Variants in FIGN observed in about 807,000 individuals in gnomAD.
The protein encoded by FIGN is fidgetin.
A neutral mutation model predicts 51.3 loss-of-function variants in FIGN; 11 were observed. That is an observed-to-expected ratio of 0.21 (90% confidence interval 0.13 to 0.35). The LOEUF (loss-of-function observed/expected upper bound fraction) is 0.35. Among genes scored for constraint, FIGN ranks in the 10% least tolerant of loss-of-function variants. The pLI, the probability that FIGN is intolerant of heterozygous loss-of-function variation, is 1.00. For missense variants in FIGN, 857 were observed against 943.6 expected (o/e 0.91, Z 1.20); for synonymous variants, 407 against 363.2 (o/e 1.12, Z -1.37).
chr2:163,617,785 T>C lies in FIGN; in HGVS notation c.26-5979A>G, dbSNP rs1172255514. Among the ~76,000 whole-genome samples, 8 of 152,310 alleles carry C rather than the reference T, an allele frequency of 5.3e-5. No homozygotes were observed. In the East Asian group the frequency reaches 1.3e-3, roughly 26 times the overall value. Reference sequence around the variant, plus strand: ...GCACATCATACTCACTCAGCTGTGATATGTGGACAATAATGGTATTATTTC... The same window carrying C: ...GCACATCATACTCACTCAGCTGTGACATGTGGACAATAATGGTATTATTTC... On this transcript the variant is annotated intron_variant, in intron 2 of 2. Coordinates refer to ENST00000333129, the MANE Select transcript of FIGN (RefSeq NM_018086.4).
At chr2:163,637,284 T>G (rs1683241086) in intron 2 of FIGN, among the ~76,000 whole-genome samples, 1 of 152,198 alleles carries the variant, frequency 6.6e-6, no homozygotes, top group South Asian at 2.1e-4. Flanking sequence ...AAAGAGACCA[T>G]GCATTCTAAA....
chr2:163,660,457 C>T (rs1473281277), intron 2 of FIGN, among the ~76,000 whole-genome samples: 1 of 151,832 alleles, frequency 6.6e-6, no homozygotes, highest in Non-Finnish European at 1.5e-5. Context: ...TATGGAAGTG[C>T]TGACAACATA....
chr2:163,700,270 T>C (rs1278676067), intron 2 of FIGN, among the ~76,000 whole-genome samples: 1 of 152,078 alleles, frequency 6.6e-6, no homozygotes, highest in African/African-American at 2.4e-5. Context: ...GGCACTTCCT[T>C]ATGTAACTGA....
At position 163,611,785 on chromosome 2, in the gene FIGN, G is replaced by C. The variant is rs1256558799; in HGVS notation, c.47C>G (p.Pro16Arg). The C allele has an allele frequency of 6.2e-7, 1 of 1,602,608 alleles. No individual in the cohort carries two copies. The highest frequency in any genetic ancestry group is 8.5e-7 in the Non-Finnish European group (1 of 1,170,482). Reference sequence around the variant, plus strand: ...CTGTTCTGGCCACTGGGCATGCTCTGGCGTCCACTGCATCTTCAAGCCTAA... The same window carrying C: ...CTGTTCTGGCCACTGGGCATGCTCTCGCGTCCACTGCATCTTCAAGCCTAA... ...SVYGLKMQWT[P>R]EHAQWPEQHF... Residue 16 changes from proline (P) to arginine (R), a missense_variant, in exon 3 of 3, where the codon CCA becomes CGA. This residue lies in a region of FIGN where 56 missense variants were observed against 75.3 expected (regional missense o/e 0.74). Coordinates refer to ENST00000333129, the MANE Select transcript of FIGN (RefSeq NM_018086.4).
intron 2 of FIGN, among the ~76,000 whole-genome samples, chr2:163,708,516 C>T (rs1441419994): frequency 6.6e-6 from 1 of 152,028 alleles, no homozygotes. Flanking sequence ...AATCTCTAAG[C>T]CAAATGGTAA....
At chr2:163,693,021 T>C (rs2105346239) in intron 2 of FIGN, among the ~76,000 whole-genome samples, 2 of 152,312 alleles carry the variant, frequency 1.3e-5, no homozygotes. Flanking sequence ...AACTTCAGCA[T>C]CTTCCCATGA....
intron 2 of FIGN, among the ~76,000 whole-genome samples, chr2:163,676,502 G>A (rs964893418): frequency 4.7e-5 from 6 of 127,860 alleles, no homozygotes; most frequent in Admixed American, 2.7e-4. Flanking sequence ...CTGTGCACCC[G>A]AATCTGAGAA....
chr2:163,617,710 C>T (rs1682903226), intron 2 of FIGN, among the ~76,000 whole-genome samples: 1 of 152,136 alleles, frequency 6.6e-6, no homozygotes, highest in Non-Finnish European at 1.5e-5. Context: ...CCACTGGCAG[C>T]ATTGCTTACA....
intron 2 of FIGN, among the ~76,000 whole-genome samples, chr2:163,699,790 C>A (rs1684380295): frequency 6.6e-6 from 1 of 152,046 alleles, no homozygotes; most frequent in Non-Finnish European, 1.5e-5. Context: ...TTTGGTAAAT[C>A]AGATAATTTT....
intron 2 of FIGN, among the ~76,000 whole-genome samples, chr2:163,700,461 T>C (rs1684391298): frequency 6.6e-6 from 1 of 152,124 alleles, no homozygotes; most frequent in Non-Finnish European, 1.5e-5. Context: ...TGTCGCAGAA[T>C]GGCGACAGTG....
chr2:163,649,461 G>A (rs1287359470), intron 2 of FIGN, among the ~76,000 whole-genome samples: 1 of 152,168 alleles, frequency 6.6e-6, no homozygotes, highest in Non-Finnish European at 1.5e-5. Context: ...CACATGGAGA[G>A]GTCACATAGA....
In FIGN at chr2:163,604,864, A is replaced by G. The variant is rs1691052439; in HGVS notation, c.*4688T>C. 1 of 142,288 alleles carries G rather than the reference A, an allele frequency of 7.0e-6. No individual in the cohort carries two copies. Among genetic ancestry groups the G allele is most frequent in the African/African-American group, 2.5e-5 (1 of 39,348 alleles). The allele number at this position is 142,288 out of a possible 1,614,324, so 8.8% of individuals were successfully genotyped here. ...GGAGAGGAGAGGGATGGAGAGAAGA[A>G]TGGTTGGGGAATGGGGGTAAAAGAG... is the stretch of plus-strand genomic sequence containing the variant. On this transcript the variant is annotated 3_prime_UTR_variant, in exon 3 of 3. Coordinates refer to ENST00000333129, the MANE Select transcript of FIGN (RefSeq NM_018086.4).
intron 2 of FIGN, among the ~76,000 whole-genome samples, chr2:163,644,409 A>G (rs1487324114): frequency 6.6e-6 from 1 of 152,222 alleles, no homozygotes; most frequent in African/African-American, 2.4e-5. Flanking sequence ...CAGGAGGGCT[A>G]GAATCAAAAA....
At chr2:163,641,976 A>G (rs756060847) in intron 2 of FIGN, among the ~76,000 whole-genome samples, 1 of 152,220 alleles carries the variant, frequency 6.6e-6, no homozygotes, top group African/African-American at 2.4e-5. Flanking sequence ...GATGTATTTC[A>G]CTAATAAAGA....
At chr2:163,647,564 G>A (rs1419035028) in intron 2 of FIGN, among the ~76,000 whole-genome samples, 1 of 152,072 alleles carries the variant, frequency 6.6e-6, no homozygotes, top group Non-Finnish European at 1.5e-5. Flanking sequence ...CTACCACCTG[G>A]CCTCAGATCA....
At chr2:163,694,192 A>T (rs892230631) in intron 2 of FIGN, among the ~76,000 whole-genome samples, 20 of 152,342 alleles carry the variant, frequency 1.3e-4, no homozygotes, top group African/African-American at 4.8e-4. Context: ...ACCAGAGACA[A>T]CAGCCATTCA....
At chr2:163,695,209 A>G (rs1007008695) in intron 2 of FIGN, among the ~76,000 whole-genome samples, 2 of 151,948 alleles carry the variant, frequency 1.3e-5, no homozygotes, top group African/African-American at 4.8e-5. Context: ...AACTTCCTCA[A>G]CTTTCATTTG....
At chr2:163,650,177 C>T (rs1325315463) in intron 2 of FIGN, among the ~76,000 whole-genome samples, 1 of 151,992 alleles carries the variant, frequency 6.6e-6, no homozygotes, top group Non-Finnish European at 1.5e-5. Flanking sequence ...ATTTCCTAAC[C>T]TGTTTTAATG....
At chr2:163,674,491 G>T (rs1363516463) in intron 2 of FIGN, among the ~76,000 whole-genome samples, 2 of 152,130 alleles carry the variant, frequency 1.3e-5, no homozygotes, top group East Asian at 3.9e-4. Context: ...TTTCAGTCTT[G>T]CACTGCCAAT....
Sources: allele counts gnomAD v4.1 joint callset (sites outside exome capture counted in the v4.1 genomes callset), GRCh38; gene constraint gnomAD v4.1.1; regional missense constraint gnomAD v4.1.1; transcripts MANE v1.5; gene names NCBI Gene and HGNC (gene_info 2026-07-23, HGNC 2026-07-21).